Variants in C6 observed in about 807,000 individuals in gnomAD.
C6 encodes complement C6.
Under a neutral mutation model 112.9 loss-of-function variants are expected in C6, and 101 were observed. That is an observed-to-expected ratio of 0.89 (90% CI 0.76 to 1.06). The LOEUF (loss-of-function observed/expected upper bound fraction) is 1.06. C6 is among the 50% of genes least tolerant of loss of function. The probability of loss-of-function intolerance (pLI) is 0.00; values close to 1 mark genes in which losing one functional copy is unlikely to be tolerated. For missense variants in C6, 1,202 were observed against 1,104.6 expected (o/e 1.09, Z -1.25); for synonymous variants, 431 against 384.1 (o/e 1.12, Z -1.43).
chr5:41,256,917 G>A (rs1038362194), intron 1 of C6, among the ~76,000 whole-genome samples: 1 of 152,168 alleles, frequency 6.6e-6, no homozygotes, highest in African/African-American at 2.4e-5. Context: ...AATGAGGTGT[G>A]TTTTGTTTTC....
chr5:41,240,682 T>G (rs897281390), intron 1 of C6, among the ~76,000 whole-genome samples: 1 of 152,080 alleles, frequency 6.6e-6, no homozygotes, highest in Non-Finnish European at 1.5e-5. Flanking sequence ...TCCTCAGGCT[T>G]TCAGGCAGCA....
chr5:41,210,585 A>G (rs1467929178), intron 1 of C6, among the ~76,000 whole-genome samples: 1 of 152,104 alleles, frequency 6.6e-6, no homozygotes, highest in Non-Finnish European at 1.5e-5. Context: ...GACATTTGAG[A>G]AATGTCTTCT....
intron 7 of C6, among the ~76,000 whole-genome samples, chr5:41,180,205 G>A (rs1749212654): frequency 6.6e-6 from 1 of 152,226 alleles, no homozygotes; most frequent in South Asian, 2.1e-4. Flanking sequence ...ATAAAAGTAG[G>A]AGCAACCGTA....
intron 1 of C6, among the ~76,000 whole-genome samples, chr5:41,239,059 G>T (rs1375514231): frequency 3.3e-5 from 5 of 150,136 alleles, no homozygotes; most frequent in Non-Finnish European, 5.9e-5. Context: ...TCAAGTCAGG[G>T]TATTTTGGGT....
intron 9 of C6, among the ~76,000 whole-genome samples, chr5:41,167,765 G>T (rs758204002): frequency 5.9e-5 from 9 of 152,110 alleles, no homozygotes; most frequent in Non-Finnish European, 1.0e-4. Flanking sequence ...TGCTAAAATA[G>T]AAGTAAGACC....
chr5:41,192,455 G>A (rs1410970768), intron 5 of C6, among the ~76,000 whole-genome samples: 1 of 152,066 alleles, frequency 6.6e-6, no homozygotes, highest in Non-Finnish European at 1.5e-5. Flanking sequence ...ATAATAATTG[G>A]TATTAGTTCT....
chr5:41,158,819 ATGTATGTACACACATT>A (rs764785820), intron 12 of C6, 34 bp from the exon 13 acceptor site: 2 of 1,210,610 alleles, frequency 1.7e-6, no homozygotes, highest in Non-Finnish European at 2.5e-6. Flanking sequence ...GTGTATATGT[ATGTATGTACACACATT>A]TACATGTGTG....
rs146005004 is a variant in C6, at chr5:41,211,353, G to A, written c.-21+2023C>T. Among the ~76,000 whole-genome samples the A allele has an allele frequency of 3.4e-3, 515 of 151,796 alleles. 11 individuals are homozygous for A. The highest frequency in any genetic ancestry group is 0.026 in the East Asian group (134 of 5,152). On this transcript the variant is annotated intron_variant, in intron 1 of 17. Coordinates refer to ENST00000337836, the MANE Select transcript of C6 (RefSeq NM_000065.5). ...GTATACATATGTAACAAACCTTCAC[G>A]TTGTGCACATGTACCCTAGAACTTA... is the stretch of plus-strand genomic sequence containing the variant.
chr5:41,165,327 C>T (rs1374212191), intron 9 of C6, among the ~76,000 whole-genome samples: 2 of 152,090 alleles, frequency 1.3e-5, no homozygotes, highest in Non-Finnish European at 2.9e-5. Context: ...TGTGTGCGTG[C>T]ATTTATGTTT....
Position 41,158,628 on chromosome 5 carries a change from G to A in C6, c.1968+46C>T, listed in dbSNP as rs371596527. The A allele has an allele frequency of 1.6e-3, 1,573 of 977,992 alleles. 4 individuals are homozygous for A. Among genetic ancestry groups the A allele is most frequent in the Non-Finnish European group, 2.3e-3 (1,386 of 599,824 alleles). The allele number at this position is 977,992 out of a possible 1,614,324, so 60.6% of individuals were successfully genotyped here. A position where few individuals can be genotyped will look rare whatever the true frequency, so the allele number is the denominator to read the frequency against. ...AATTAAAAGACAAGCTATACTTTTC[G>A]AGGTTTTTAAAACTACAAACCAAAA... On this transcript the variant is annotated intron_variant, in intron 13 of 17. Coordinates refer to ENST00000337836, the MANE Select transcript of C6 (RefSeq NM_000065.5).
At position 41,181,462 on chromosome 5, in the gene C6, C is replaced by G. The variant is rs201064036; in HGVS notation, c.824G>C (p.Gly275Ala). 7.7e-5 allele frequency: 125 copies of G among 1,613,704 alleles called. No homozygotes were observed. In the East Asian group the frequency reaches 1.5e-3, roughly 19 times the overall value. Residue 275 changes from glycine (G) to alanine (A), a missense_variant, in exon 7 of 18, where the codon GGG becomes GCG. Transcript: ENST00000337836. Reference sequence around the variant, plus strand: ...AATTGGTACACTGAAAGAGCTCCCCCCCTGACTTGAGAATGAGCCTTGTTG... The same window carrying G: ...AATTGGTACACTGAAAGAGCTCCCCGCCTGACTTGAGAATGAGCCTTGTTG... ...ENQQGSFSSQ[G>A]GSSFSVPIFY...
At chr5:41,177,972 G>A (rs1360771077) in intron 7 of C6, among the ~76,000 whole-genome samples, 1 of 152,136 alleles carries the variant, frequency 6.6e-6, no homozygotes, top group Non-Finnish European at 1.5e-5. Context: ...CTCACTCCCT[G>A]AGTATCTGAA....
Position 41,142,763 on chromosome 5 carries a change from G to A in C6, c.*62C>T. On this transcript the variant is annotated 3_prime_UTR_variant, in exon 18 of 18. Coordinates refer to ENST00000337836, the MANE Select transcript of C6 (RefSeq NM_000065.5). ...GCTGTTTGTGCAAGAATTCTCATTT[G>A]TAGGAGTTGGTTCTTCGGGATGGTA... 7.9e-7 allele frequency: 1 copy of A among 1,260,928 alleles called. No individual in the cohort carries two copies. Among genetic ancestry groups the A allele is most frequent in the Non-Finnish European group, 1.2e-6 (1 of 859,172 alleles). 78.1% of individuals were successfully genotyped at this position (1,260,928 alleles called of 1,614,324 possible).
At chr5:41,227,517 A>T (rs142132930) in intron 1 of C6, among the ~76,000 whole-genome samples, 41 of 152,176 alleles carry the variant, frequency 2.7e-4, no homozygotes, top group African/African-American at 9.1e-4. Flanking sequence ...TCACATCCAA[A>T]AAAATCATTG....
chr5:41,228,047 A>T (rs2150410476), intron 1 of C6, among the ~76,000 whole-genome samples: 1 of 152,098 alleles, frequency 6.6e-6, no homozygotes, highest in East Asian at 1.9e-4. Context: ...GAATCTGTAG[A>T]TCGATTTTGG....
In C6 at chr5:41,223,186, T is replaced by C. The variant is rs750874945; in HGVS notation, c.-20-19936A>G. Reference sequence around the variant, plus strand: ...ACTAACATTTAGAGATTAACAGGTATTGTTACCACACTGGGCACTGGGGCG... The same window carrying C: ...ACTAACATTTAGAGATTAACAGGTACTGTTACCACACTGGGCACTGGGGCG... On this transcript the variant is annotated intron_variant, in intron 1 of 17. Transcript: ENST00000263413. Among the ~76,000 whole-genome samples, 9 of 152,286 alleles carry C rather than the reference T, an allele frequency of 5.9e-5. No individual in the cohort carries two copies. The Middle Eastern group carries it at 0.024, about 403-fold the overall frequency.
chr5:41,242,676 T>G (rs1234858636), intron 1 of C6, among the ~76,000 whole-genome samples: 1 of 152,154 alleles, frequency 6.6e-6, no homozygotes, highest in Non-Finnish European at 1.5e-5. Context: ...CTAGCCAAAA[T>G]TTTTCTTTCA....
At chr5:41,238,841 G>C (rs1044476004) in intron 1 of C6, among the ~76,000 whole-genome samples, 2 of 152,088 alleles carry the variant, frequency 1.3e-5, no homozygotes, top group Non-Finnish European at 2.9e-5. Context: ...TGGTGAATTA[G>C]AGTTTTTATT....
intron 10 of C6, among the ~76,000 whole-genome samples, chr5:41,160,594 G>A (rs941076822): frequency 7.2e-5 from 11 of 152,140 alleles, no homozygotes; most frequent in African/African-American, 2.7e-4. Context: ...TTACTGTGAA[G>A]GAAGCATGGG....
Sources: allele counts gnomAD v4.1 joint callset (sites outside exome capture counted in the v4.1 genomes callset), GRCh38; gene constraint gnomAD v4.1.1; transcripts MANE v1.5; gene names NCBI Gene and HGNC (gene_info 2026-07-23, HGNC 2026-07-21).